SPATA1: variants seen among roughly 807,000 people sequenced by gnomAD.
SPATA1 encodes the protein spermatogenesis-associated protein 1.
In SPATA1, 57 loss-of-function variants were observed where a neutral mutation model predicts 59.6. The observed-to-expected ratio is 0.96, with a 90% CI of 0.77 to 1.19. The LOEUF (loss-of-function observed/expected upper bound fraction) is 1.19, where lower values mean the gene tolerates loss of function less well. Ranked by LOEUF, SPATA1 falls within the 50% of genes most tolerant of loss-of-function variation. SPATA1 has a pLI of 0.00. For missense variants in SPATA1, 448 were observed against 480.7 expected (o/e 0.93, Z 0.64); for synonymous variants, 147 against 163.9 (o/e 0.90, Z 0.79).
In SPATA1 at chr1:84,546,799, ATG is replaced by A. The variant is rs148224749; in HGVS notation, c.946+1053_946+1054del. Among the ~76,000 whole-genome samples the A allele has an allele frequency of 2.0e-5, 3 of 151,804 alleles. No homozygotes were observed. The South Asian group carries it at 6.3e-4, about 32-fold the overall frequency. ...TCTCTTCTGTACTTAATTTTTTGAT[ATG>A]TGTGTGTGTGTGCCTTGCTTTTAAA... On this transcript the variant is annotated intron_variant, in intron 10 of 12. Coordinates refer to ENST00000490879, the Ensembl canonical transcript of SPATA1.
At chr1:84,551,376 A>G (rs921964419) in intron 12 of SPATA1, 2 of 754,702 alleles carry the variant, frequency 2.7e-6, no homozygotes, top group African/African-American at 3.8e-5. Flanking sequence ...AATAAAAATA[A>G]ATAAAATTTA....
At chr1:84,548,553 AAT>A (rs918234104) in intron 10 of SPATA1, among the ~76,000 whole-genome samples, 8 of 147,528 alleles carry the variant, frequency 5.4e-5, no homozygotes, top group African/African-American at 7.4e-5. Context: ...ATTACTATAA[AAT>A]ATATATATAT....
At chr1:84,531,129 A>G (rs1390136788) in intron 6 of SPATA1, among the ~76,000 whole-genome samples, 3 of 152,174 alleles carry the variant, frequency 2.0e-5, no homozygotes, top group African/African-American at 7.2e-5. Flanking sequence ...ATTTTGCATT[A>G]TATAGATCTT....
intron 8 of SPATA1, among the ~76,000 whole-genome samples, chr1:84,535,271 G>A (rs955182462): frequency 6.6e-6 from 1 of 151,864 alleles, no homozygotes; most frequent in African/African-American, 2.4e-5. Flanking sequence ...TTATCAGATA[G>A]CGTAAGATTT....
At chr1:84,521,186 C>G (rs72948483) in intron 3 of SPATA1, among the ~76,000 whole-genome samples, 1 of 132,294 alleles carries the variant, frequency 7.6e-6, no homozygotes, top group Non-Finnish European at 1.6e-5. Context: ...GAAAGAAGAA[C>G]GGAAGGAAGG....
intron 4 of SPATA1, chr1:84,563,680 G>A (rs1684635935): frequency 9.7e-7 from 1 of 1,029,458 alleles, no homozygotes; most frequent in Non-Finnish European, 1.4e-6. Context: ...AAAACAGAGA[G>A]ACTCTAAAAA....
intron 8 of SPATA1, among the ~76,000 whole-genome samples, chr1:84,534,623 A>C (rs937244423): frequency 2.0e-5 from 3 of 152,110 alleles, no homozygotes; most frequent in Non-Finnish European, 2.9e-5. Context: ...TACCTAAATA[A>C]TACTACTAAT....
At chr1:84,563,279 C>A in intron 4 of SPATA1, 2 of 1,563,490 alleles carry the variant, frequency 1.3e-6, no homozygotes, top group African/African-American at 1.4e-5. Context: ...ATAAGGAGCC[C>A]GCTGATCTTT....
intron 3 of SPATA1, among the ~76,000 whole-genome samples, chr1:84,521,895 G>GT (rs1201940878): frequency 7.9e-5 from 12 of 152,124 alleles, no homozygotes; most frequent in South Asian, 6.2e-4. Context: ...AGATGATAGC[G>GT]TAAGTGATGG....
intron 4 of SPATA1, 32 bp downstream of exon 4, chr1:84,522,539 G>A: frequency 8.5e-7 from 1 of 1,183,392 alleles, no homozygotes; most frequent in Non-Finnish European, 1.2e-6. Context: ...TTCTGATTGA[G>A]AAAGACCATA....
At chr1:84,543,352 T>TA (rs1683975527) in intron 8 of SPATA1, among the ~76,000 whole-genome samples, 1 of 152,192 alleles carries the variant, frequency 6.6e-6, no homozygotes, top group Non-Finnish European at 1.5e-5. Flanking sequence ...CACACTGCTA[T>TA]AAAAAATACC....
intron 8 of SPATA1, among the ~76,000 whole-genome samples, chr1:84,541,075 A>G (rs1192539710): frequency 2.6e-5 from 4 of 152,216 alleles, no homozygotes; most frequent in Non-Finnish European, 4.4e-5. Flanking sequence ...GTTACTATTT[A>G]GAAGTGTGAT....
chr1:84,544,686 G>C (rs1045161307), intron 9 of SPATA1, among the ~76,000 whole-genome samples: 3 of 151,564 alleles, frequency 2.0e-5, no homozygotes, highest in Non-Finnish European at 4.4e-5. Context: ...TCAGCCTCCC[G>C]AGTAGCTGGG....
At chr1:84,542,004 C>G (rs959239537) in intron 8 of SPATA1, among the ~76,000 whole-genome samples, 5 of 152,076 alleles carry the variant, frequency 3.3e-5, no homozygotes, top group South Asian at 2.1e-4. Flanking sequence ...GAGTCTCGCT[C>G]TCTTGCCCAG....
chr1:84,540,890 G>A (rs1683876372), intron 8 of SPATA1, among the ~76,000 whole-genome samples: 1 of 152,202 alleles, frequency 6.6e-6, no homozygotes, highest in Non-Finnish European at 1.5e-5. Context: ...GAAACCAGAT[G>A]TGGCCCAGAC....
intron 8 of SPATA1, among the ~76,000 whole-genome samples, chr1:84,541,288 A>G (rs753775971): frequency 9.2e-5 from 14 of 151,492 alleles, no homozygotes; most frequent in Non-Finnish European, 2.1e-4. Flanking sequence ...CTAAAATTAT[A>G]ATTTTAAATA....
chr1:84,511,144 A>G (rs995958275), intron 1 of SPATA1, among the ~76,000 whole-genome samples: 1 of 152,130 alleles, frequency 6.6e-6, no homozygotes, highest in Non-Finnish European at 1.5e-5. Flanking sequence ...TTTTAAAATA[A>G]GAGTATAATT....
chr1:84,522,224 G>A (rs1683056188), intron 3 of SPATA1, among the ~76,000 whole-genome samples, 166 bp from the exon 4 acceptor site: 1 of 152,064 alleles, frequency 6.6e-6, no homozygotes, highest in South Asian at 2.1e-4. Context: ...AGCTATTTAT[G>A]GAAGACCTAC....
intron 4 of SPATA1, among the ~76,000 whole-genome samples, chr1:84,559,852 A>C (rs1447742067): frequency 6.6e-6 from 1 of 152,126 alleles, no homozygotes; most frequent in Non-Finnish European, 1.5e-5. Flanking sequence ...TGGGAGGCCA[A>C]GGTAGGCGGA....
Sources: gnomAD v4.1 joint callset for allele counts (sites outside exome capture counted in the v4.1 genomes callset) on GRCh38, gnomAD v4.1.1 for gene constraint, MANE v1.5 for transcripts, NCBI Gene and HGNC (gene_info 2026-07-23, HGNC 2026-07-21) for gene names.